The following PEBP4 variants were observed in gnomAD, a reference collection of about 807,000 sequenced individuals.
PEBP4 encodes phosphatidylethanolamine binding protein 4, also known as phosphatidylethanolamine-binding protein 4.
Under a neutral mutation model 23.9 loss-of-function variants are expected in PEBP4, and 22 were observed. The observed-to-expected ratio is 0.92, with a 90% CI of 0.66 to 1.31. PEBP4 has a LOEUF of 1.31. Ranked by LOEUF, PEBP4 falls within the 40% of genes most tolerant of loss-of-function variation. PEBP4 has a pLI of 0.00. For synonymous variants in PEBP4, 112 were observed against 99.3 expected (o/e 1.13, Z -0.76); for missense variants, 324 against 281.7 (o/e 1.15, Z -1.07).
intron 3 of PEBP4, among the ~76,000 whole-genome samples, chr8:22,890,373 G>A (rs1003543122): frequency 2.0e-5 from 3 of 152,242 alleles, no homozygotes; most frequent in African/African-American, 7.2e-5. Flanking sequence ...ACTTTGGGCA[G>A]CGATTCTCTA....
intron 3 of PEBP4, among the ~76,000 whole-genome samples, chr8:22,848,491 ATG>A (rs895110662): frequency 3.3e-5 from 5 of 151,902 alleles, no homozygotes; most frequent in Non-Finnish European, 5.9e-5. Context: ...GTGTGTGTGC[ATG>A]TGTGTGTGAG....
chr8:22,833,085 A>G (rs1008893888), intron 3 of PEBP4, among the ~76,000 whole-genome samples: 1 of 152,162 alleles, frequency 6.6e-6, no homozygotes, highest in South Asian at 2.1e-4. Context: ...GTTCTTGCCC[A>G]TGCTTCCCCC....
At chr8:22,744,354 C>T (rs1805064804) in intron 4 of PEBP4, among the ~76,000 whole-genome samples, 1 of 152,198 alleles carries the variant, frequency 6.6e-6, no homozygotes, top group Non-Finnish European at 1.5e-5. Context: ...AACTGCCTAA[C>T]TGTGGTCTTC....
At chr8:22,818,440 T>TG (rs1237195692) in intron 3 of PEBP4, among the ~76,000 whole-genome samples, 14 of 151,580 alleles carry the variant, frequency 9.2e-5, no homozygotes, top group Non-Finnish European at 1.9e-4. Context: ...GGTCTTCAGG[T>TG]GGGAAAAAAG....
intron 4 of PEBP4, among the ~76,000 whole-genome samples, chr8:22,731,615 T>TTTTA (rs756455154): frequency 0.043 from 6,397 of 147,632 alleles, 138 homozygotes; most frequent in Non-Finnish European, 0.048. Context: ...GCCCTCATTG[T>TTTTA]TTTATTTATT....
chr8:22,830,049 G>T (rs1202460260), intron 3 of PEBP4, among the ~76,000 whole-genome samples: 1 of 151,944 alleles, frequency 6.6e-6, no homozygotes, highest in Non-Finnish European at 1.5e-5. Context: ...TGACTTCTGT[G>T]CTTCCATCCT....
At chr8:22,828,539 CCTTCCCCTCACTGCTCT>C (rs1807021900) in intron 3 of PEBP4, among the ~76,000 whole-genome samples, 1 of 152,158 alleles carries the variant, frequency 6.6e-6, no homozygotes, top group Non-Finnish European at 1.5e-5. Flanking sequence ...CTGAAGATCC[CCTTCCCCTCACTGCTCT>C]CTTGTGGTAT....
At chr8:22,795,877 A>G (rs925085301) in intron 4 of PEBP4, among the ~76,000 whole-genome samples, 2 of 152,256 alleles carry the variant, frequency 1.3e-5, no homozygotes, top group Admixed American at 1.3e-4. Context: ...AAAAATCAAC[A>G]CACATGGATA....
chr8:22,888,188 C>T (rs1334352395), intron 3 of PEBP4, among the ~76,000 whole-genome samples: 6 of 144,158 alleles, frequency 4.2e-5, no homozygotes, highest in Non-Finnish European at 9.0e-5. Flanking sequence ...CAGTTTCGCT[C>T]TGTTGCCCAG....
intron 4 of PEBP4, among the ~76,000 whole-genome samples, chr8:22,786,439 T>A (rs1281431766): frequency 1.3e-5 from 2 of 152,044 alleles, no homozygotes; most frequent in Non-Finnish European, 2.9e-5. Context: ...CACGCCACCA[T>A]GTCCGGCAAT....
chr8:22,915,019 C>T (rs1230532473), intron 3 of PEBP4, among the ~76,000 whole-genome samples: 1 of 152,090 alleles, frequency 6.6e-6, no homozygotes, highest in Non-Finnish European at 1.5e-5. Flanking sequence ...CTCATTGTTA[C>T]CCACTCGCCT....
At chr8:22,803,663 A>G (rs1563221319) in intron 4 of PEBP4, among the ~76,000 whole-genome samples, 2 of 152,024 alleles carry the variant, frequency 1.3e-5, no homozygotes, top group East Asian at 1.9e-4. Context: ...GACTCCAACT[A>G]AAAAATAATA....
At chr8:22,786,377 G>C (rs1806027236) in intron 4 of PEBP4, among the ~76,000 whole-genome samples, 1 of 152,088 alleles carries the variant, frequency 6.6e-6, no homozygotes, top group Non-Finnish European at 1.5e-5. Flanking sequence ...TGACCTCCTG[G>C]GTTCAAGCAA....
chr8:22,910,129 T>C (rs2128778644), intron 3 of PEBP4, among the ~76,000 whole-genome samples: 1 of 151,116 alleles, frequency 6.6e-6, no homozygotes, highest in East Asian at 2.0e-4. Context: ...AGAGAGTCGT[T>C]TTATCTCTAA....
chr8:22,773,278 G>A (rs1470419551), intron 4 of PEBP4, among the ~76,000 whole-genome samples: 1 of 152,290 alleles, frequency 6.6e-6, no homozygotes, highest in South Asian at 2.1e-4. Flanking sequence ...GTTCGCTCAA[G>A]CACCAGCCCA....
At chr8:22,796,708 A>C (rs1280443307) in intron 4 of PEBP4, among the ~76,000 whole-genome samples, 1 of 152,162 alleles carries the variant, frequency 6.6e-6, no homozygotes, top group East Asian at 1.9e-4. Context: ...GCAAAAAACC[A>C]CATGTTCTCA....
chr8:22,733,753 T>G (rs371462916), intron 4 of PEBP4, among the ~76,000 whole-genome samples: 5 of 148,276 alleles, frequency 3.4e-5, no homozygotes, highest in African/African-American at 1.0e-4. Flanking sequence ...GTTTTGCTTT[T>G]TGATCTCTGG....
chr8:22,726,030 T>TGTGTGTGTGC (rs60294653), intron 5 of PEBP4, among the ~76,000 whole-genome samples: 200 of 148,920 alleles, frequency 1.3e-3, no homozygotes, highest in South Asian at 3.6e-3. Context: ...TGTGTGTGTG[T>TGTGTGTGTGC]GCACGCGCAT....
chr8:22,931,209 T>C (rs117416013), upstream of PEBP4, among the ~76,000 whole-genome samples: 163 of 152,312 alleles, frequency 1.1e-3, 4 homozygotes, highest in East Asian at 0.02. Context: ...CCTGAATTCT[T>C]TTCATTGATT....
Sources: gnomAD v4.1 joint callset for allele counts (sites outside exome capture counted in the v4.1 genomes callset) on GRCh38, gnomAD v4.1.1 for gene constraint, MANE v1.5 for transcripts, NCBI Gene and HGNC (gene_info 2026-07-23, HGNC 2026-07-21) for gene names.